Variants in PDLIM5 observed in about 807,000 individuals in gnomAD.
PDLIM5 encodes PDZ and LIM domain protein 5.
In PDLIM5, 34 loss-of-function variants were observed where a neutral mutation model predicts 64.2. The ratio of observed to expected loss-of-function variants is 0.53; its 90% CI spans 0.40 to 0.71. The LOEUF (loss-of-function observed/expected upper bound fraction) is 0.71, where lower values mean the gene tolerates loss of function less well. Among genes scored for constraint, PDLIM5 ranks in the 30% least tolerant of loss-of-function variants. PDLIM5 has a pLI of 0.00. For synonymous variants in PDLIM5, 253 were observed against 269.1 expected, an observed-to-expected ratio of 0.94 and a Z score of 0.59; for missense variants, 683 against 733.6, an observed-to-expected ratio of 0.93 and a Z score of 0.80.
chr4:94,574,972 T>C (rs1735128636), intron 4 of PDLIM5, among the ~76,000 whole-genome samples: 1 of 151,872 alleles, frequency 6.6e-6, no homozygotes, highest in South Asian at 2.1e-4. Context: ...AGAAAGGATT[T>C]TGTTTTATTT....
At chr4:94,481,823 A>G (rs1224599451) in intron 2 of PDLIM5, among the ~76,000 whole-genome samples, 12 of 151,050 alleles carry the variant, frequency 7.9e-5, no homozygotes, top group Non-Finnish European at 1.6e-4. Context: ...GTTAGCCAGG[A>G]TGGTCTTGAT....
intron 5 of PDLIM5, chr4:94,579,477 A>C: frequency 9.3e-7 from 1 of 1,069,684 alleles, no homozygotes; most frequent in Non-Finnish European, 1.3e-6. Flanking sequence ...GATTAAAAAA[A>C]AATGATGTGG....
chr4:94,581,306 T>C (rs1735713668), intron 5 of PDLIM5, among the ~76,000 whole-genome samples: 1 of 152,172 alleles, frequency 6.6e-6, no homozygotes, highest in African/African-American at 2.4e-5. Context: ...CAGTCAACCC[T>C]CCACTTGCTG....
intron 2 of PDLIM5, among the ~76,000 whole-genome samples, chr4:94,489,818 G>C (rs899685605): frequency 2.0e-5 from 3 of 151,990 alleles, no homozygotes; most frequent in African/African-American, 7.2e-5. Context: ...CAGCCTTCCT[G>C]CTTCCCATAT....
intron 2 of PDLIM5, among the ~76,000 whole-genome samples, chr4:94,501,304 A>G (rs948643695): frequency 1.3e-5 from 2 of 152,068 alleles, no homozygotes; most frequent in Non-Finnish European, 2.9e-5. Context: ...GGCTGGGCTC[A>G]AACTCCTGAG....
chr4:94,510,543 A>G (rs1387891406), intron 2 of PDLIM5, among the ~76,000 whole-genome samples: 2 of 152,078 alleles, frequency 1.3e-5, no homozygotes, highest in East Asian at 3.9e-4. Flanking sequence ...AGTAATTTTC[A>G]GTTTTACTTC....
rs67013211 is a variant in PDLIM5, at chr4:94,478,890, GTTTTTTTTT to G, written c.96+23525_96+23533del. On this transcript the variant is annotated intron_variant, in intron 2 of 12. Coordinates refer to ENST00000317968, the MANE Select transcript of PDLIM5 (RefSeq NM_006457.5). ...CCAAAAGAAGGTAGGTGTGCTTGGT[GTTTTTTTTT>G]TTTTTTTTTTTTTTTTTTAAGACAG... Among the ~76,000 whole-genome samples, 412 of 94,080 alleles carry G rather than the reference GTTTTTTTTT, an allele frequency of 4.4e-3. 3 individuals are homozygous for G. The highest frequency in any genetic ancestry group is 0.017 in the African/African-American group (384 of 22,352). The allele number at this position is 94,080 out of a possible 152,430, so 61.7% of individuals were successfully genotyped here. A position where few individuals can be genotyped will look rare whatever the true frequency, so the allele number is the denominator to read the frequency against.
chr4:94,512,261 C>T (rs893341291), intron 2 of PDLIM5, among the ~76,000 whole-genome samples: 2 of 152,080 alleles, frequency 1.3e-5, no homozygotes, highest in South Asian at 2.1e-4. Context: ...CCTCATGATC[C>T]GCCCGCCTCA....
intron 7 of PDLIM5, chr4:94,587,263 G>T: frequency 7.7e-7 from 1 of 1,304,798 alleles, no homozygotes; most frequent in Non-Finnish European, 9.7e-7. Context: ...GTGCTAGTTG[G>T]TAGCTCACAA....
intron 3 of PDLIM5, among the ~76,000 whole-genome samples, chr4:94,557,422 G>T (rs1303849762): frequency 6.6e-6 from 1 of 152,178 alleles, no homozygotes; most frequent in East Asian, 1.9e-4. Context: ...CTTTAAAGTA[G>T]TTTTTTCCAA....
intron 11 of PDLIM5, among the ~76,000 whole-genome samples, chr4:94,658,966 A>G (rs535564656): frequency 3.2e-4 from 49 of 152,170 alleles, no homozygotes; most frequent in Non-Finnish European, 6.3e-4. Context: ...ATTTTGACTA[A>G]CTGGCAGGTA....
chr4:94,587,158 T>C, intron 7 of PDLIM5: 3 of 1,511,416 alleles, frequency 2.0e-6, no homozygotes, highest in Non-Finnish European at 1.8e-6. Context: ...CATAGCAAAA[T>C]CTGTATTAAA....
At chr4:94,651,878 C>T (rs1228123966) in intron 9 of PDLIM5, among the ~76,000 whole-genome samples, 1 of 152,112 alleles carries the variant, frequency 6.6e-6, no homozygotes, top group African/African-American at 2.4e-5. Flanking sequence ...TAACAACTAC[C>T]AGTACAGGTT....
At chr4:94,493,729 T>C (rs1402401595) in intron 2 of PDLIM5, among the ~76,000 whole-genome samples, 1 of 152,200 alleles carries the variant, frequency 6.6e-6, no homozygotes, top group Non-Finnish European at 1.5e-5. Flanking sequence ...TTTTATATTT[T>C]TTGATAATTA....
At chr4:94,662,005 G>C (rs1183128183) in intron 11 of PDLIM5, among the ~76,000 whole-genome samples, 1 of 152,060 alleles carries the variant, frequency 6.6e-6, no homozygotes, top group African/African-American at 2.4e-5. Context: ...ATTTTTAGTA[G>C]AGACGGGGTT....
At chr4:94,590,048 G>T (rs1736562138) in intron 7 of PDLIM5, among the ~76,000 whole-genome samples, 1 of 152,064 alleles carries the variant, frequency 6.6e-6, no homozygotes, top group Admixed American at 6.5e-5. Context: ...CAAAGTGCTG[G>T]GATTACAGAT....
chr4:94,652,900 C>T (rs1741950280), intron 9 of PDLIM5, among the ~76,000 whole-genome samples: 1 of 152,114 alleles, frequency 6.6e-6, no homozygotes, highest in Non-Finnish European at 1.5e-5. Flanking sequence ...GAGCCTTTCT[C>T]CTTTTGTGAC....
At chr4:94,627,656 A>G (rs150232106) in intron 8 of PDLIM5, among the ~76,000 whole-genome samples, 19 of 152,356 alleles carry the variant, frequency 1.2e-4, no homozygotes, top group Middle Eastern at 3.4e-3. Context: ...TCATGCCACA[A>G]TGGCAGAGTT....
chr4:94,610,264 GC>G, intron 7 of PDLIM5: 1 of 1,515,140 alleles, frequency 6.6e-7, no homozygotes, highest in Non-Finnish European at 8.8e-7. Context: ...TCTGAGCAGC[GC>G]AGCTGCTACT....
Sources: allele counts gnomAD v4.1 joint callset (sites outside exome capture counted in the v4.1 genomes callset), GRCh38; gene constraint gnomAD v4.1.1; transcripts MANE v1.5; gene names NCBI Gene and HGNC (gene_info 2026-07-23, HGNC 2026-07-21).